The following RAD17 variants were observed in gnomAD, a reference collection of about 807,000 sequenced individuals.
RAD17 encodes RAD17 checkpoint clamp loader component.
A neutral mutation model predicts 81.5 loss-of-function variants in RAD17; 31 were observed. The ratio of observed to expected loss-of-function variants is 0.38; its 90% confidence interval spans 0.29 to 0.51. The LOEUF is 0.51. RAD17 is among the 20% of genes least tolerant of loss of function. The pLI is 0.88. For missense variants in RAD17, 681 were observed against 781.2 expected, an observed-to-expected ratio of 0.87 and a Z score of 1.53; for synonymous variants, 261 against 266.2, an observed-to-expected ratio of 0.98 and a Z score of 0.19.
At chr5:69,373,686 ATT>A (rs56385833) in intron 4 of RAD17, 142 bp from the exon 5 acceptor site, 3,087 of 250,970 alleles carry the variant, frequency 0.012, 17 homozygotes, top group African/African-American at 0.042. Context: ...TCTCAAAAAA[ATT>A]TTTTTTTTTT....
chr5:69,389,369 T>C (rs1764405914), intron 12 of RAD17, among the ~76,000 whole-genome samples: 1 of 152,214 alleles, frequency 6.6e-6, no homozygotes, highest in Non-Finnish European at 1.5e-5. Flanking sequence ...AGTTTACCTT[T>C]CAAAGTTAAC....
At chr5:69,376,431 T>A in intron 6 of RAD17, among the ~76,000 whole-genome samples, 1 of 152,256 alleles carries the variant, frequency 6.6e-6, no homozygotes, top group African/African-American at 2.4e-5. Context: ...TACCTTGAAA[T>A]ACATTTCCAA....
chr5:69,386,671 A>G, intron 11 of RAD17, among the ~76,000 whole-genome samples: 1 of 152,160 alleles, frequency 6.6e-6, no homozygotes, highest in Non-Finnish European at 1.5e-5. Context: ...TCACTTTCAC[A>G]TTGAGGTAAA....
intron 1 of RAD17, 145 bp downstream of exon 1, chr5:69,370,078 G>C (rs1434103046): frequency 3.7e-6 from 1 of 268,092 alleles, no homozygotes; most frequent in Admixed American, 5.5e-5. Context: ...AGGGTGCAGA[G>C]CCCTGTCCTG....
At chr5:69,405,362 AAAC>A (rs1247444531) in intron 17 of RAD17, among the ~76,000 whole-genome samples, 2 of 151,504 alleles carry the variant, frequency 1.3e-5, no homozygotes, top group African/African-American at 4.9e-5. Flanking sequence ...CAAAAAAAAA[AAAC>A]ACCAAAAAAA....
chr5:69,397,973 C>T (rs1170376756), intron 16 of RAD17, among the ~76,000 whole-genome samples: 3 of 152,084 alleles, frequency 2.0e-5, no homozygotes, highest in Non-Finnish European at 4.4e-5. Flanking sequence ...AAAACTTAGC[C>T]GGGTGTGGCG....
chr5:69,382,504 A>G lies in RAD17; in HGVS notation c.508+447A>G, dbSNP rs17236268. On this transcript the variant is annotated intron_variant, in intron 7 of 18. Transcript: ENST00000354868. ...GGAAAGAAAGCATGTCTCCAATGGA[A>G]GACAATGGAATTTTTTGAAGATTAA... Among the ~76,000 whole-genome samples, 56 of 152,342 alleles carry G rather than the reference A, an allele frequency of 3.7e-4. No individual in the cohort carries two copies. In the East Asian group the frequency reaches 8.5e-3, roughly 23 times the overall value.
At chr5:69,406,090 GCCCT>G (rs1765586371) in intron 17 of RAD17, among the ~76,000 whole-genome samples, 1 of 151,468 alleles carries the variant, frequency 6.6e-6, no homozygotes, top group Non-Finnish European at 1.5e-5. Flanking sequence ...AGAGATATCT[GCCCT>G]CCCTCCCAGT....
rs1764377934 is a variant in RAD17 at position 69,388,933 on chromosome 5, A to G, written c.895-101A>G. ...CTTTTTAGTATTTAAGTTTAAAAGA[A>G]TCTAATTTACGTTAATTAAGTTTAG... On this transcript the variant is annotated intron_variant, in intron 11 of 18. Coordinates refer to ENST00000354868, the MANE Select transcript of RAD17 (RefSeq NM_133338.3). The G allele has an allele frequency of 4.9e-6, 3 of 611,154 alleles. No individual in the cohort carries two copies. The South Asian group carries it at 8.9e-5, about 18-fold the overall frequency. 37.9% of individuals were successfully genotyped at this position (611,154 alleles called of 1,614,324 possible).
intron 6 of RAD17, among the ~76,000 whole-genome samples, chr5:69,378,439 C>T (rs1763644976): frequency 6.6e-6 from 1 of 152,142 alleles, no homozygotes; most frequent in Non-Finnish European, 1.5e-5. Context: ...AAAACAGGCA[C>T]TTAAGTATAT....
At chr5:69,389,717 T>G (rs546245182) in intron 12 of RAD17, among the ~76,000 whole-genome samples, 1 of 152,218 alleles carries the variant, frequency 6.6e-6, no homozygotes, top group Non-Finnish European at 1.5e-5. Context: ...CTTGGCTCAC[T>G]GCAAGCTCCG....
intron 17 of RAD17, 69 bp from the exon 18 acceptor site, chr5:69,410,424 A>C (rs1765894363): frequency 8.2e-7 from 1 of 1,223,328 alleles, no homozygotes; most frequent in East Asian, 2.4e-5. Flanking sequence ...GCATCTTTTC[A>C]GGTGCTTATT....
chr5:69,409,861 T>G (rs1033480560), intron 17 of RAD17, among the ~76,000 whole-genome samples: 1 of 152,198 alleles, frequency 6.6e-6, no homozygotes, highest in African/African-American at 2.4e-5. Context: ...GCAGCCACCA[T>G]TCTACTTTCT....
At chr5:69,406,807 A>G (rs1300609401) in intron 17 of RAD17, among the ~76,000 whole-genome samples, 1 of 151,788 alleles carries the variant, frequency 6.6e-6, no homozygotes, top group Non-Finnish European at 1.5e-5. Context: ...ACACCGAACC[A>G]ATATATTGTA....
intron 6 of RAD17, among the ~76,000 whole-genome samples, chr5:69,379,885 CTT>C (rs1166961859): frequency 1.2e-4 from 17 of 143,198 alleles, no homozygotes; most frequent in Admixed American, 2.8e-4. Flanking sequence ...TAGTTAACTT[CTT>C]TTTTTTTTTT....
At chr5:69,371,370 A>G (rs962664130) in intron 2 of RAD17, 84 bp from the exon 3 acceptor site, 7 of 502,546 alleles carry the variant, frequency 1.4e-5, no homozygotes, top group Non-Finnish European at 1.1e-5. Context: ...TGTATTGTTG[A>G]TTATATCAGT....
chr5:69,403,457 T>G (rs1435094863), intron 17 of RAD17, among the ~76,000 whole-genome samples: 1 of 152,210 alleles, frequency 6.6e-6, no homozygotes, highest in East Asian at 1.9e-4. Flanking sequence ...ACCAACAGAT[T>G]CATCATGTCC....
rs1181301663 is a variant in RAD17, at chr5:69,396,383, G to A, written c.1423-14G>A. ...ATAAATCTATTTTCTTTCACATCTTGTCTCATTTGTTAGACACGCTCTTTA... is the reference window on the plus strand; with the variant it reads ...ATAAATCTATTTTCTTTCACATCTTATCTCATTTGTTAGACACGCTCTTTA... On this transcript the variant is annotated splice_polypyrimidine_tract_variant and intron_variant, in intron 15 of 18. Transcript: ENST00000354868. 1 of 1,601,914 alleles carries A rather than the reference G, an allele frequency of 6.2e-7. No individual in the cohort carries two copies. The highest frequency in any genetic ancestry group is 2.2e-5 in the East Asian group (1 of 44,748).
At position 69,413,976 on chromosome 5, in the gene RAD17, AT is replaced by A. The variant is rs1423797123; in HGVS notation, c.1752-52del. 2.5e-6 allele frequency: 4 copies of A among 1,576,598 alleles called. No individual in the cohort carries two copies. In the African/African-American group the frequency reaches 4.1e-5, roughly 16 times the overall value. ...TCATAATCATCACACTCATGGTGTA[AT>A]TTAAAAATCTTCTCCTTTGGTTCTT... On this transcript the variant is annotated intron_variant, in intron 18 of 18. Coordinates refer to ENST00000354868, the MANE Select transcript of RAD17 (RefSeq NM_133338.3).
Sources: allele counts gnomAD v4.1 joint callset (sites outside exome capture counted in the v4.1 genomes callset), GRCh38; gene constraint gnomAD v4.1.1; transcripts MANE v1.5; gene names NCBI Gene and HGNC (gene_info 2026-07-23, HGNC 2026-07-21).